The following ODAD2 variants were observed in gnomAD, a reference collection of about 807,000 sequenced individuals.
ODAD2 encodes outer dynein arm docking complex subunit 2, also known as outer dynein arm-docking complex subunit 2.
In ODAD2, 89 loss-of-function variants were observed where a neutral mutation model predicts 106.8. The observed-to-expected ratio is 0.83, with a 90% CI of 0.70 to 0.99. ODAD2 has a LOEUF of 0.99. Among genes scored for constraint, ODAD2 ranks in the 50% least tolerant of loss-of-function variants. ODAD2 has a pLI of 0.00. For missense variants in ODAD2, 1,168 were observed against 1,238.5 expected (o/e 0.94, Z 0.85); for synonymous variants, 404 against 436.2 (o/e 0.93, Z 0.92).
At position 27,858,876 on chromosome 10, in the gene ODAD2, T is replaced by C. The variant is rs1260164879; in HGVS notation, c.3021+1749A>G. 2.0e-5 allele frequency among the ~76,000 whole-genome samples: 3 copies of C among 148,422 alleles called. No individual in the cohort carries two copies. The South Asian group carries it at 6.4e-4, about 32-fold the overall frequency. ...TGGAGTGCAGTGGTGTGATATCAGC[T>C]CACTGCAACCTCCACCTCCCAGGTT... On this transcript the variant is annotated intron_variant, in intron 19 of 19. Transcript: ENST00000305242.
intron 19 of ODAD2, chr10:27,813,377 C>T (rs961175034): frequency 1.3e-5 from 2 of 152,162 alleles, no homozygotes; most frequent in Admixed American, 6.5e-5. Context: ...TGTTGCTACA[C>T]GTATTTTTCC....
At chr10:27,922,708 C>G (rs1476760368) in intron 16 of ODAD2, among the ~76,000 whole-genome samples, 4 of 152,010 alleles carry the variant, frequency 2.6e-5, no homozygotes, top group Non-Finnish European at 2.9e-5. Context: ...GAGTTCAAGA[C>G]CAGCCTGGTC....
intron 17 of ODAD2, among the ~76,000 whole-genome samples, chr10:27,890,755 C>A (rs1842502562): frequency 7.7e-6 from 1 of 130,246 alleles, no homozygotes; most frequent in African/African-American, 3.0e-5. Flanking sequence ...ACTTGAAAAT[C>A]TGGTATATAT....
At chr10:27,841,323 T>G (rs1838290221) in intron 19 of ODAD2, among the ~76,000 whole-genome samples, 1 of 152,194 alleles carries the variant, frequency 6.6e-6, no homozygotes, top group African/African-American at 2.4e-5. Flanking sequence ...TAAGCCACCA[T>G]TTCTCATGCG....
chr10:27,916,566 G>A (rs973123028), intron 16 of ODAD2, among the ~76,000 whole-genome samples: 6 of 151,892 alleles, frequency 4.0e-5, no homozygotes, highest in Admixed American at 6.6e-5. Context: ...CAAGGCCAAC[G>A]CCTCTTCTTC....
intron 19 of ODAD2, among the ~76,000 whole-genome samples, chr10:27,848,597 G>C (rs763115959): frequency 5.3e-4 from 81 of 152,270 alleles, no homozygotes; most frequent in Middle Eastern, 3.4e-3. Flanking sequence ...CACAGCAAAA[G>C]AAACTACCAT....
rs1015235874 is a variant in ODAD2, at chr10:27,961,848, T to G, written c.1239-133A>C. ...GGGAGGCTGAGGTGGGAGGATTACT[T>G]AAGGCCAAGAGTTCAACACCAGCCT... On this transcript the variant is annotated intron_variant, in intron 9 of 19. Coordinates refer to ENST00000305242, the MANE Select transcript of ODAD2 (RefSeq NM_018076.5). 1.0e-5 allele frequency: 7 copies of G among 690,940 alleles called. No homozygotes were observed. In the African/African-American group the frequency reaches 1.3e-4, roughly 13 times the overall value. 42.8% of individuals were successfully genotyped at this position (690,940 alleles called of 1,614,324 possible). A position where few individuals can be genotyped will look rare whatever the true frequency, so the allele number is the denominator to read the frequency against.
chr10:27,923,579 A>G (rs1844943889), intron 16 of ODAD2, among the ~76,000 whole-genome samples: 1 of 152,160 alleles, frequency 6.6e-6, no homozygotes, highest in African/African-American at 2.4e-5. Context: ...ACACAAAATA[A>G]TAAGATAGAA....
chr10:27,874,313 T>C (rs1308871162), intron 17 of ODAD2, among the ~76,000 whole-genome samples: 1 of 152,248 alleles, frequency 6.6e-6, no homozygotes, highest in Non-Finnish European at 1.5e-5. Flanking sequence ...TTACCCACTT[T>C]GCCAGTCTGT....
intron 16 of ODAD2, among the ~76,000 whole-genome samples, chr10:27,921,077 T>G (rs1844744598): frequency 6.6e-6 from 1 of 152,090 alleles, no homozygotes; most frequent in Non-Finnish European, 1.5e-5. Context: ...TAAGAGAAAT[T>G]GTAGGAAATT....
intron 19 of ODAD2, among the ~76,000 whole-genome samples, chr10:27,835,629 C>T (rs1461756430): frequency 6.6e-6 from 1 of 152,134 alleles, no homozygotes; most frequent in Non-Finnish European, 1.5e-5. Context: ...AGTCGATCAA[C>T]ACCTAGTTTG....
chr10:27,816,783 C>G (rs1836166890), intron 19 of ODAD2, among the ~76,000 whole-genome samples: 1 of 152,162 alleles, frequency 6.6e-6, no homozygotes, highest in Non-Finnish European at 1.5e-5. Flanking sequence ...AAGTCTCGCT[C>G]TTTTGCCCAG....
intron 1 of ODAD2, among the ~76,000 whole-genome samples, chr10:27,995,907 T>C (rs1026259703): frequency 6.6e-6 from 1 of 152,196 alleles, no homozygotes; most frequent in African/African-American, 2.4e-5. Flanking sequence ...TAAGAGTTAA[T>C]GTGAGAGATG....
At chr10:27,900,303 C>T (rs999536567) in intron 17 of ODAD2, among the ~76,000 whole-genome samples, 3 of 152,156 alleles carry the variant, frequency 2.0e-5, no homozygotes, top group African/African-American at 7.2e-5. Context: ...AAAAAATCCC[C>T]ATCTGAAGGT....
intron 14 of ODAD2, 117 bp from the exon 15 acceptor site, chr10:27,936,997 G>T: frequency 1.1e-6 from 1 of 929,856 alleles, no homozygotes; most frequent in Non-Finnish European, 1.6e-6. Context: ...GATCATTTTC[G>T]AAAGATGCCT....
intron 12 of ODAD2, 97 bp from the exon 13 acceptor site, chr10:27,940,902 C>T (rs1010632006): frequency 1.0e-5 from 13 of 1,274,420 alleles, no homozygotes; most frequent in South Asian, 4.4e-5. Context: ...AGCTCACCTC[C>T]GTCAAAAACA....
intron 17 of ODAD2, among the ~76,000 whole-genome samples, chr10:27,877,577 C>T (rs921332924): frequency 8.5e-5 from 13 of 152,186 alleles, no homozygotes; most frequent in East Asian, 3.9e-4. Context: ...CGTCTTGCCT[C>T]GCATAGTTTC....
chr10:27,840,814 T>C (rs1308675110), intron 19 of ODAD2, among the ~76,000 whole-genome samples: 1 of 152,234 alleles, frequency 6.6e-6, no homozygotes, highest in East Asian at 1.9e-4. Context: ...ATGGGAATTC[T>C]CTTTGGTGCA....
intron 19 of ODAD2, among the ~76,000 whole-genome samples, chr10:27,841,906 C>T (rs1271827271): frequency 6.6e-6 from 1 of 152,144 alleles, no homozygotes; most frequent in East Asian, 1.9e-4. Flanking sequence ...AGGTATGCAC[C>T]ACCATGCCTG....
Sources: allele counts gnomAD v4.1 joint callset (sites outside exome capture counted in the v4.1 genomes callset), GRCh38; gene constraint gnomAD v4.1.1; transcripts MANE v1.5; gene names NCBI Gene and HGNC (gene_info 2026-07-23, HGNC 2026-07-21).